Variants in RCOR1 observed in about 807,000 individuals in gnomAD.
The protein encoded by RCOR1 is REST corepressor.
In RCOR1, 12 loss-of-function variants were observed where a neutral mutation model predicts 64.0. The observed-to-expected ratio is 0.19, with a 90% CI of 0.12 to 0.30. The LOEUF (loss-of-function observed/expected upper bound fraction) is 0.30. Ranked by LOEUF, RCOR1 falls within the 10% of genes least tolerant of loss-of-function variation. The pLI is 1.00. For missense variants in RCOR1, 502 were observed against 621.2 expected, an observed-to-expected ratio of 0.81 and a Z score of 2.04; for synonymous variants, 279 against 227.2, an observed-to-expected ratio of 1.23 and a Z score of -2.05.
chr14:102,728,540 A>G lies in RCOR1; in HGVS notation c.*2034A>G, dbSNP rs907975078. ...TTCTTGCTAACAGAAGCAGTAGGCA[A>G]TTGCTGCAGTGCGTTTCTCACCCTG... On this transcript the variant is annotated 3_prime_UTR_variant, in exon 12 of 12. Transcript: ENST00000262241. The G allele has an allele frequency of 6.6e-6, 1 of 152,176 alleles. No individual in the cohort carries two copies. The highest frequency in any genetic ancestry group is 1.5e-5 in the Non-Finnish European group (1 of 68,050). The allele number at this position is 152,176 out of a possible 1,614,324, so 9.4% of individuals were successfully genotyped here. A position where few individuals can be genotyped will look rare whatever the true frequency, so the allele number is the denominator to read the frequency against.
chr14:102,666,917 C>T (rs577680117), intron 2 of RCOR1, among the ~76,000 whole-genome samples: 2 of 152,308 alleles, frequency 1.3e-5, no homozygotes, highest in Admixed American at 6.5e-5. Flanking sequence ...TCTCCTGCTC[C>T]GCCCCTTTCC....
At chr14:102,685,324 A>G (rs542150235) in intron 3 of RCOR1, among the ~76,000 whole-genome samples, 73 of 152,146 alleles carry the variant, frequency 4.8e-4, no homozygotes, top group African/African-American at 1.5e-3. Flanking sequence ...TTTTTACTGT[A>G]ACTAGTATGG....
In RCOR1 at chr14:102,641,356, T is replaced by C. The variant is rs564034676; in HGVS notation, c.362-40539T>C. Among the ~76,000 whole-genome samples, 20 of 152,226 alleles carry C rather than the reference T, an allele frequency of 1.3e-4. No individual in the cohort carries two copies. The South Asian group carries it at 4.1e-3, about 32-fold the overall frequency. ...GGTTCACACCTGTAGTCCTAGCACT[T>C]TTGGAGGCTGAGGCGGGTGGATCAC... On this transcript the variant is annotated intron_variant, in intron 2 of 11. Transcript: ENST00000262241.
At chr14:102,694,814 A>G (rs923712865) in intron 3 of RCOR1, among the ~76,000 whole-genome samples, 8 of 152,208 alleles carry the variant, frequency 5.3e-5, no homozygotes, top group African/African-American at 1.9e-4. Flanking sequence ...TTCTTATTTT[A>G]ATAATAAAAG....
intron 8 of RCOR1, among the ~76,000 whole-genome samples, chr14:102,718,572 T>TA (rs1896113127): frequency 6.8e-6 from 1 of 147,844 alleles, no homozygotes; most frequent in South Asian, 2.2e-4. Context: ...AAGTTCTGTA[T>TA]GACTGAGGGT....
chr14:102,673,857 C>T (rs1268293357), intron 2 of RCOR1, among the ~76,000 whole-genome samples: 5 of 152,150 alleles, frequency 3.3e-5, no homozygotes, highest in Non-Finnish European at 7.3e-5. Context: ...TCAGGTGATC[C>T]GCCCGCCGCC....
intron 3 of RCOR1, among the ~76,000 whole-genome samples, chr14:102,700,228 T>C (rs1419453632): frequency 6.7e-6 from 1 of 150,364 alleles, no homozygotes; most frequent in Non-Finnish European, 1.5e-5. Flanking sequence ...TCCTTTTCCC[T>C]TTTTCTTTTT....
intron 1 of RCOR1, 27 bp downstream of exon 1, chr14:102,593,214 C>G: frequency 6.8e-7 from 1 of 1,476,718 alleles, no homozygotes; most frequent in Non-Finnish European, 8.9e-7. Flanking sequence ...CCCGCGGCCC[C>G]GGGCCCCGCG....
intron 2 of RCOR1, among the ~76,000 whole-genome samples, chr14:102,600,987 C>T: frequency 6.6e-6 from 1 of 151,220 alleles, no homozygotes; most frequent in East Asian, 2.0e-4. Flanking sequence ...GTCGGGAGTT[C>T]AAGACCAACC....
At chr14:102,658,970 T>C (rs1385622870) in intron 2 of RCOR1, 1 of 311,050 alleles carries the variant, frequency 3.2e-6, no homozygotes, top group Non-Finnish European at 4.7e-6. Context: ...CCTTCCATAC[T>C]TATTTTTTTG....
intron 2 of RCOR1, among the ~76,000 whole-genome samples, chr14:102,614,471 G>A (rs1220107455): frequency 6.7e-6 from 1 of 148,780 alleles, no homozygotes; most frequent in Non-Finnish European, 1.5e-5. Flanking sequence ...TGATCCGCCC[G>A]CCTCGGCCTC....
intron 3 of RCOR1, among the ~76,000 whole-genome samples, chr14:102,690,801 T>C (rs1309680398): frequency 6.6e-6 from 1 of 152,178 alleles, no homozygotes; most frequent in Admixed American, 6.5e-5. Context: ...CTCTCGTCTC[T>C]CTCCACTGTA....
intron 2 of RCOR1, among the ~76,000 whole-genome samples, chr14:102,636,098 A>G (rs1321621851): frequency 6.6e-6 from 1 of 151,600 alleles, no homozygotes; most frequent in Admixed American, 6.6e-5. Flanking sequence ...ACACCCGGCT[A>G]ATTTTTTGTT....
chr14:102,601,344 T>C (rs1480464482), intron 2 of RCOR1, among the ~76,000 whole-genome samples: 1 of 152,214 alleles, frequency 6.6e-6, no homozygotes, highest in Non-Finnish European at 1.5e-5. Flanking sequence ...CAATATTTGC[T>C]TCAGGTACAG....
chr14:102,601,005 C>T (rs889561041), intron 2 of RCOR1, among the ~76,000 whole-genome samples: 1 of 151,378 alleles, frequency 6.6e-6, no homozygotes, highest in Non-Finnish European at 1.5e-5. Context: ...ACCTGGCCAA[C>T]ATGATGAAAC....
At chr14:102,714,336 T>C in intron 7 of RCOR1, 87 bp from the exon 8 acceptor site, 1 of 819,064 alleles carries the variant, frequency 1.2e-6, no homozygotes, top group Non-Finnish European at 1.9e-6. Flanking sequence ...TAGATTGTTT[T>C]GGTGCCATGT....
intron 8 of RCOR1, among the ~76,000 whole-genome samples, chr14:102,719,724 T>C (rs967044186): frequency 6.6e-6 from 1 of 152,260 alleles, no homozygotes; most frequent in African/African-American, 2.4e-5. Context: ...GTTTTGCATT[T>C]ACTCTCTCTG....
At chr14:102,666,572 T>C (rs1278481059) in intron 2 of RCOR1, among the ~76,000 whole-genome samples, 1 of 152,250 alleles carries the variant, frequency 6.6e-6, no homozygotes, top group Non-Finnish European at 1.5e-5. Flanking sequence ...ACATTACATT[T>C]AGTTGCCTTG....
At chr14:102,696,952 A>C (rs1267666616) in intron 3 of RCOR1, among the ~76,000 whole-genome samples, 1 of 150,318 alleles carries the variant, frequency 6.7e-6, no homozygotes, top group Non-Finnish European at 1.5e-5. Flanking sequence ...TTGCTGTCCT[A>C]CCAGCAGCTA....
Sources: allele counts gnomAD v4.1 joint callset (sites outside exome capture counted in the v4.1 genomes callset), GRCh38; gene constraint gnomAD v4.1.1; transcripts MANE v1.5; gene names NCBI Gene and HGNC (gene_info 2026-07-23, HGNC 2026-07-21).